The following SLAMF6 variants were observed in gnomAD, a reference collection of about 807,000 sequenced individuals.
SLAMF6 encodes the protein NK-T-B-antigen.
SLAMF6 carries 21 observed loss-of-function variants against 38.3 expected under a neutral mutation model. That is an observed-to-expected ratio of 0.55 (90% CI 0.39 to 0.79). The LOEUF (loss-of-function observed/expected upper bound fraction) is 0.79, where lower values mean the gene tolerates loss of function less well. SLAMF6 is among the 30% of genes least tolerant of loss of function. The pLI is 0.00. For synonymous variants in SLAMF6, 152 were observed against 146.3 expected (o/e 1.04, Z -0.28); for missense variants, 341 against 385.3 (o/e 0.89, Z 0.96).
intron 1 of SLAMF6, among the ~76,000 whole-genome samples, chr1:160,522,205 G>T (rs1286966796): frequency 2.0e-5 from 3 of 152,292 alleles, no homozygotes; most frequent in Admixed American, 2.0e-4. Flanking sequence ...GCTGGCTAAT[G>T]AAATTTGGGC....
chr1:160,491,056 A>G, intron 3 of SLAMF6, 69 bp downstream of exon 3: 2 of 1,575,882 alleles, frequency 1.3e-6, no homozygotes, highest in Non-Finnish European at 1.7e-6. Context: ...ATTGGAAATT[A>G]CGTAGGATGT....
At chr1:160,523,024 T>C in intron 1 of SLAMF6, 120 bp downstream of exon 1, 1 of 1,064,518 alleles carries the variant, frequency 9.4e-7, no homozygotes, top group Non-Finnish European at 1.4e-6. Flanking sequence ...CAGCGTCCCC[T>C]TTCCCGCCCC....
At chr1:160,517,064 C>A (rs559017414) in intron 1 of SLAMF6, among the ~76,000 whole-genome samples, 37 of 151,768 alleles carry the variant, frequency 2.4e-4, no homozygotes, top group Non-Finnish European at 4.9e-4. Context: ...ATTATCAGAG[C>A]CAAGAGGCAA....
chr1:160,504,588 C>T (rs920576016), intron 1 of SLAMF6, among the ~76,000 whole-genome samples: 1 of 152,168 alleles, frequency 6.6e-6, no homozygotes, highest in East Asian at 1.9e-4. Flanking sequence ...TATCTGGATG[C>T]TCCCTAAAAA....
intron 5 of SLAMF6, 38 bp downstream of exon 5, chr1:160,490,160 C>T: frequency 6.2e-7 from 1 of 1,610,888 alleles, no homozygotes; most frequent in Non-Finnish European, 8.5e-7. Context: ...CTCTTCCCAT[C>T]TGCTTTATGA....
intron 5 of SLAMF6, 42 bp downstream of exon 5, chr1:160,490,156 C>A (rs1249968070): frequency 6.2e-7 from 1 of 1,608,410 alleles, no homozygotes; most frequent in Non-Finnish European, 8.5e-7. Context: ...TTGGCTCTTC[C>A]CATCTGCTTT....
rs752193959 is a variant in SLAMF6, at chr1:160,523,174, A to G, written c.19T>C (p.Ser7Pro). Residue 7 changes from serine to proline, a missense_variant, in exon 1 of 8, where the codon TCG becomes CCG. Transcript: ENST00000368057. The part of the protein sequence containing the change: MLWLFQ[S>P]LLFVFCFGPG... ...CCAAAGCAGAAGACAAACAGGAGCG[A>G]TTGGAACAGCCACAACATGCTTTCC... 1.9e-6 allele frequency: 3 copies of G among 1,613,914 alleles called. No homozygotes were observed. Among genetic ancestry groups the G allele is most frequent in the Non-Finnish European group, 2.5e-6 (3 of 1,179,882 alleles).
intron 2 of SLAMF6, 147 bp downstream of exon 2, chr1:160,495,914 C>T (rs1653550909): frequency 2.9e-6 from 2 of 699,728 alleles, no homozygotes; most frequent in Non-Finnish European, 2.4e-6. Context: ...ACTGGCTTTG[C>T]AGTGTCATTG....
intron 1 of SLAMF6, among the ~76,000 whole-genome samples, chr1:160,498,542 G>A (rs1653717763): frequency 6.6e-6 from 1 of 152,088 alleles, no homozygotes; most frequent in South Asian, 2.1e-4. Flanking sequence ...AAAACCATCA[G>A]AACTCATGAG....
intron 1 of SLAMF6, among the ~76,000 whole-genome samples, chr1:160,508,537 A>T (rs1654310571): frequency 6.6e-6 from 1 of 152,232 alleles, no homozygotes; most frequent in East Asian, 1.9e-4. Context: ...TAAATGTTAG[A>T]CCTAAAACCA....
chr1:160,520,371 C>G (rs1280182381), intron 1 of SLAMF6, among the ~76,000 whole-genome samples: 2 of 152,156 alleles, frequency 1.3e-5, no homozygotes, highest in Non-Finnish European at 2.9e-5. Flanking sequence ...CCCAGTATGA[C>G]TGAAGTCCAT....
intron 1 of SLAMF6, among the ~76,000 whole-genome samples, chr1:160,522,693 A>C (rs1477532993): frequency 6.6e-6 from 1 of 152,034 alleles, no homozygotes; most frequent in Non-Finnish European, 1.5e-5. Flanking sequence ...GGCCCAGAAA[A>C]TTTGGCTCAA....
chr1:160,488,652 C>T (rs1465303604), intron 6 of SLAMF6, among the ~76,000 whole-genome samples: 2 of 152,116 alleles, frequency 1.3e-5, no homozygotes, highest in Non-Finnish European at 2.9e-5. Flanking sequence ...TTCTGAACTC[C>T]CCTAAGACCC....
rs114176009 is a variant in SLAMF6 at position 160,493,928 on chromosome 1, C to G, written c.382+2133G>C. Among the ~76,000 whole-genome samples, 453 of 152,192 alleles carry G rather than the reference C, an allele frequency of 3.0e-3. 3 individuals are homozygous for G. The highest frequency in any genetic ancestry group is 0.01 in the African/African-American group (429 of 41,524). On this transcript the variant is annotated intron_variant, in intron 2 of 7. Transcript: ENST00000368057. ...TCATGAGAGCTCACTATCATGAGAA[C>G]AGCATGGGGGAAACCTCCCACATGA...
intron 1 of SLAMF6, among the ~76,000 whole-genome samples, chr1:160,519,016 G>A (rs1654869629): frequency 6.6e-6 from 1 of 152,112 alleles, no homozygotes; most frequent in Non-Finnish European, 1.5e-5. Context: ...TATTAAGAAA[G>A]TGAAAAGACA....
At chr1:160,517,815 G>A (rs1291999831) in intron 1 of SLAMF6, among the ~76,000 whole-genome samples, 4 of 152,084 alleles carry the variant, frequency 2.6e-5, no homozygotes, top group Non-Finnish European at 5.9e-5. Flanking sequence ...AGAACACATG[G>A]ACACAGGGAG....
intron 1 of SLAMF6, among the ~76,000 whole-genome samples, chr1:160,500,792 T>C (rs1484268112): frequency 6.6e-6 from 1 of 152,108 alleles, no homozygotes; most frequent in Non-Finnish European, 1.5e-5. Context: ...TCCCTTCTCT[T>C]GGAGGTTTTC....
At chr1:160,488,310 G>T (rs772728957) in intron 6 of SLAMF6, among the ~76,000 whole-genome samples, 4 of 152,092 alleles carry the variant, frequency 2.6e-5, no homozygotes, top group African/African-American at 9.7e-5. Context: ...ACCCCTTCTT[G>T]CTTCCTGTCA....
At chr1:160,501,018 GC>G (rs1557941083) in intron 1 of SLAMF6, among the ~76,000 whole-genome samples, 2 of 152,188 alleles carry the variant, frequency 1.3e-5, no homozygotes, top group African/African-American at 4.8e-5. Flanking sequence ...CAGAGTGGTA[GC>G]CTGTCTAGGC....
Sources: gnomAD v4.1 joint callset for allele counts (sites outside exome capture counted in the v4.1 genomes callset) on GRCh38, gnomAD v4.1.1 for gene constraint, MANE v1.5 for transcripts, NCBI Gene and HGNC (gene_info 2026-07-23, HGNC 2026-07-21) for gene names.